The following CSMD1 variants were observed in gnomAD, a reference collection of about 807,000 sequenced individuals.
The protein encoded by CSMD1 is CUB and sushi domain-containing protein 1.
CSMD1 carries 213 observed loss-of-function variants against 417.5 expected under a neutral mutation model. The observed-to-expected ratio is 0.51, with a 90% CI of 0.46 to 0.57. The LOEUF (loss-of-function observed/expected upper bound fraction) is 0.57. Ranked by LOEUF, CSMD1 falls within the 20% of genes least tolerant of loss-of-function variation. CSMD1 has a pLI of 0.00. For missense variants in CSMD1, 6,923 were observed against 4,529.7 expected, an observed-to-expected ratio of 1.53 and a Z score of -15.17; for synonymous variants, 2,862 against 1,736.8, an observed-to-expected ratio of 1.65 and a Z score of -16.11.
chr8:4,108,599 C>T (rs141538870), intron 3 of CSMD1, among the ~76,000 whole-genome samples: 1 of 152,200 alleles, frequency 6.6e-6, no homozygotes, highest in South Asian at 2.1e-4. Context: ...CACACGGCAA[C>T]AGCACAGGTT....
At chr8:4,251,694 G>T (rs1348441266) in intron 3 of CSMD1, among the ~76,000 whole-genome samples, 2 of 152,034 alleles carry the variant, frequency 1.3e-5, no homozygotes, top group African/African-American at 4.8e-5. Context: ...AAAGACCTTG[G>T]ACAGTTAAAT....
Position 3,037,561 on chromosome 8 carries a change from T to C in CSMD1, c.7661-8048A>G, listed in dbSNP as rs527445099. Among the ~76,000 whole-genome samples the C allele has an allele frequency of 4.6e-5, 7 of 152,218 alleles. No homozygotes were observed. The East Asian group carries it at 1.2e-3, about 25-fold the overall frequency. ...CAAACTGTGCTGCTATAAACATGGG[T>C]GTGCATGTGTCTTTTCCACAGAGTG... On this transcript the variant is annotated intron_variant, in intron 50 of 69. Transcript: ENST00000635120.
intron 3 of CSMD1, among the ~76,000 whole-genome samples, chr8:4,190,494 A>C (rs1798958499): frequency 6.6e-6 from 1 of 152,010 alleles, no homozygotes; most frequent in Non-Finnish European, 1.5e-5. Context: ...TAACCAAGTA[A>C]AATAATACAA....
At chr8:3,724,261 A>T (rs1585136557) in intron 6 of CSMD1, among the ~76,000 whole-genome samples, 1 of 151,896 alleles carries the variant, frequency 6.6e-6, no homozygotes, top group African/African-American at 2.4e-5. Flanking sequence ...GGTTAGTTAC[A>T]TATGTATACA....
chr8:2,960,700 A>G (rs1331832886), intron 62 of CSMD1, among the ~76,000 whole-genome samples: 7 of 151,948 alleles, frequency 4.6e-5, no homozygotes, highest in African/African-American at 1.7e-4. Context: ...GCTTACATAC[A>G]TTTTCTCCTA....
At chr8:3,873,225 A>G (rs905027183) in intron 5 of CSMD1, among the ~76,000 whole-genome samples, 1 of 152,226 alleles carries the variant, frequency 6.6e-6, no homozygotes, top group African/African-American at 2.4e-5. Context: ...AGGAACAGCA[A>G]TCATTCTATC....
intron 23 of CSMD1, among the ~76,000 whole-genome samples, chr8:3,340,769 A>C (rs989987174): frequency 6.6e-6 from 1 of 152,146 alleles, no homozygotes; most frequent in Non-Finnish European, 1.5e-5. Flanking sequence ...AGCACCACCA[A>C]TTTTCTATTA....
intron 1 of CSMD1, among the ~76,000 whole-genome samples, chr8:4,781,312 C>T (rs1224521045): frequency 2.0e-5 from 3 of 152,336 alleles, no homozygotes; most frequent in South Asian, 4.1e-4. Flanking sequence ...ACACAAAACA[C>T]ACGGGGTCAC....
chr8:3,368,035 C>T (rs943806240), intron 19 of CSMD1, among the ~76,000 whole-genome samples: 12 of 152,156 alleles, frequency 7.9e-5, no homozygotes, highest in Non-Finnish European at 1.2e-4. Context: ...TCATAGTAAC[C>T]GGAACTACAA....
intron 26 of CSMD1, among the ~76,000 whole-genome samples, chr8:3,282,349 G>T (rs62503360): frequency 2.0e-5 from 3 of 151,682 alleles, no homozygotes; most frequent in Non-Finnish European, 4.4e-5. Flanking sequence ...CAATCTTACT[G>T]CCAGTGCAAA....
chr8:4,064,155 G>C (rs1404630613), intron 3 of CSMD1, among the ~76,000 whole-genome samples: 1 of 152,164 alleles, frequency 6.6e-6, no homozygotes, highest in Non-Finnish European at 1.5e-5. Context: ...AAGTTCAAAA[G>C]TTTGACTATG....
chr8:4,190,576 A>C (rs963615829), intron 3 of CSMD1, among the ~76,000 whole-genome samples: 1 of 151,294 alleles, frequency 6.6e-6, no homozygotes, highest in Admixed American at 6.6e-5. Context: ...GACTCTGATG[A>C]TCTATTCCCA....
At chr8:3,781,177 T>C (rs908762349) in intron 5 of CSMD1, among the ~76,000 whole-genome samples, 1 of 152,170 alleles carries the variant, frequency 6.6e-6, no homozygotes, top group African/African-American at 2.4e-5. Context: ...TTGGTGATTA[T>C]TTAACTCACA....
At chr8:4,273,576 A>G (rs1166004675) in intron 3 of CSMD1, among the ~76,000 whole-genome samples, 4 of 152,164 alleles carry the variant, frequency 2.6e-5, no homozygotes, top group African/African-American at 9.7e-5. Context: ...TAATATAAAT[A>G]TTTATCATTT....
chr8:4,447,532 C>A (rs77419795), intron 2 of CSMD1, among the ~76,000 whole-genome samples: 1 of 152,170 alleles, frequency 6.6e-6, no homozygotes, highest in African/African-American at 2.4e-5. Flanking sequence ...ATCCAAATCC[C>A]TCACTCTACA....
chr8:3,334,906 T>A (rs564533461), intron 23 of CSMD1, among the ~76,000 whole-genome samples: 25 of 152,214 alleles, frequency 1.6e-4, no homozygotes, highest in Non-Finnish European at 2.9e-4. Context: ...GGTGATCCCA[T>A]TGCATCTGTA....
intron 5 of CSMD1, among the ~76,000 whole-genome samples, chr8:3,876,855 G>A (rs112262232): frequency 0.021 from 3,143 of 152,202 alleles, 138 homozygotes; most frequent in African/African-American, 0.072. Flanking sequence ...CAAGTGATTC[G>A]CCCGCCTTGG....
intron 1 of CSMD1, among the ~76,000 whole-genome samples, chr8:4,800,533 G>A (rs1165976065): frequency 1.3e-5 from 2 of 152,200 alleles, no homozygotes; most frequent in South Asian, 2.1e-4. Context: ...TCATGTGAGA[G>A]TGATTTTTAA....
chr8:4,737,310 G>A (rs1179625944), intron 1 of CSMD1, among the ~76,000 whole-genome samples: 1 of 151,914 alleles, frequency 6.6e-6, no homozygotes, highest in Non-Finnish European at 1.5e-5. Flanking sequence ...ACATGGGGAG[G>A]AACAACACAC....
Sources: gnomAD v4.1 joint callset for allele counts (sites outside exome capture counted in the v4.1 genomes callset) on GRCh38, gnomAD v4.1.1 for gene constraint, MANE v1.5 for transcripts, NCBI Gene and HGNC (gene_info 2026-07-23, HGNC 2026-07-21) for gene names.